The following PCSK5 variants were observed in gnomAD, a reference collection of about 807,000 sequenced individuals.
PCSK5 encodes the protein proprotein convertase subtilisin/kexin type 5.
In PCSK5, 129 loss-of-function variants were observed where a neutral mutation model predicts 233.2. The observed-to-expected ratio is 0.55, with a 90% confidence interval of 0.48 to 0.64. The LOEUF (loss-of-function observed/expected upper bound fraction) is 0.64, where lower values mean the gene tolerates loss of function less well. Ranked by LOEUF, PCSK5 falls within the 30% of genes least tolerant of loss-of-function variation. The pLI is 0.00. For missense variants in PCSK5, 2,076 were observed against 2,430.1 expected (o/e 0.85, Z 3.06); for synonymous variants, 825 against 879.2 (o/e 0.94, Z 1.09).
intron 10 of PCSK5, among the ~76,000 whole-genome samples, chr9:76,138,972 T>C (rs978617682): frequency 5.0e-5 from 3 of 59,444 alleles, no homozygotes; most frequent in Non-Finnish European, 9.5e-5. Context: ...ACTACTAGAT[T>C]TTTTTTTTTT....
chr9:76,083,551 C>T (rs1202494839), intron 7 of PCSK5, among the ~76,000 whole-genome samples: 1 of 152,198 alleles, frequency 6.6e-6, no homozygotes, highest in Non-Finnish European at 1.5e-5. Context: ...TCATCCCATC[C>T]TGACTCTATT....
intron 2 of PCSK5, among the ~76,000 whole-genome samples, chr9:75,968,461 T>C (rs1563944668): frequency 6.6e-6 from 1 of 152,250 alleles, no homozygotes; most frequent in Admixed American, 6.5e-5. Flanking sequence ...AGCCTCTTTC[T>C]TCCAGAGGAA....
intron 2 of PCSK5, among the ~76,000 whole-genome samples, chr9:75,933,115 T>C (rs1823884061): frequency 6.6e-6 from 1 of 152,132 alleles, no homozygotes. Flanking sequence ...ATGCTATGCC[T>C]AGGTTCTCCC....
intron 5 of PCSK5, among the ~76,000 whole-genome samples, chr9:76,062,334 G>A (rs1198904405): frequency 6.6e-6 from 1 of 152,208 alleles, no homozygotes; most frequent in Non-Finnish European, 1.5e-5. Flanking sequence ...GGAAACATCT[G>A]AGACAGATAT....
At chr9:76,047,048 T>C (rs1829439990) in intron 5 of PCSK5, among the ~76,000 whole-genome samples, 1 of 151,998 alleles carries the variant, frequency 6.6e-6, no homozygotes, top group Admixed American at 6.5e-5. Context: ...AAACAGGTAA[T>C]ATGTCAACCA....
chr9:76,156,905 T>C (rs1300330586), intron 10 of PCSK5, 140 bp from the exon 11 acceptor site: 2 of 669,370 alleles, frequency 3.0e-6, no homozygotes, highest in Non-Finnish European at 5.4e-6. Flanking sequence ...TATGTATTTG[T>C]TTTGCTGGAT....
intron 20 of PCSK5, among the ~76,000 whole-genome samples, chr9:76,205,993 G>A (rs550578007): frequency 7.2e-5 from 11 of 152,156 alleles, no homozygotes; most frequent in Non-Finnish European, 1.0e-4. Context: ...CCTGGGTTGA[G>A]ATGGCGACAG....
chr9:76,238,814 A>G (rs1267073724), intron 22 of PCSK5, 145 bp from the exon 23 acceptor site: 2 of 616,414 alleles, frequency 3.2e-6, no homozygotes, highest in Non-Finnish European at 5.7e-6. Context: ...TGCACTTTTC[A>G]TTAAATCCAT....
intron 20 of PCSK5, among the ~76,000 whole-genome samples, chr9:76,202,530 C>G (rs1330973157): frequency 6.6e-6 from 1 of 152,242 alleles, no homozygotes; most frequent in African/African-American, 2.4e-5. Flanking sequence ...CACCTCTCCT[C>G]TCTAAACTTA....
intron 2 of PCSK5, among the ~76,000 whole-genome samples, chr9:75,977,286 C>T (rs1037156090): frequency 2.0e-5 from 3 of 151,882 alleles, no homozygotes; most frequent in African/African-American, 7.3e-5. Flanking sequence ...CGTAGGTAAA[C>T]GTGTGCCATC....
chr9:76,292,347 C>A, intron 25 of PCSK5, 72 bp downstream of exon 25: 1 of 983,442 alleles, frequency 1.0e-6, no homozygotes. Flanking sequence ...ATCCTCAATC[C>A]AGCGATTAAA....
rs765053440 is a variant in PCSK5 at position 75,932,494 on chromosome 9, C to G, written c.297+11C>G. ...TCAATGGAACCAAAGGTAAGAAGAA[C>G]CAGTTGCGTGGGGACCAAGAGGCAA... On this transcript the variant is annotated intron_variant, in intron 2 of 37. Transcript: ENST00000674117. 6.0e-6 allele frequency: 9 copies of G among 1,505,804 alleles called. No homozygotes were observed. The Admixed American group carries it at 1.5e-4, about 25-fold the overall frequency. The allele number at this position is 1,505,804 out of a possible 1,614,324, so 93.3% of individuals were successfully genotyped here.
At chr9:75,964,028 A>C (rs546451408) in intron 2 of PCSK5, among the ~76,000 whole-genome samples, 1 of 152,310 alleles carries the variant, frequency 6.6e-6, no homozygotes, top group South Asian at 2.1e-4. Flanking sequence ...CAGTTTCTCT[A>C]TCTGGAAAAT....
In PCSK5 at chr9:76,262,056, G is replaced by A. The variant is rs148207205; in HGVS notation, c.3142+21372G>A. 9.8e-5 allele frequency among the ~76,000 whole-genome samples: 15 copies of A among 152,288 alleles called. No homozygotes were observed. The East Asian group carries it at 2.9e-3, about 29-fold the overall frequency. ...TCCAACACTATGTTGAATAGGAGTG[G>A]TGAGAGAGGGCATCCCTGTCTTGTG... On this transcript the variant is annotated intron_variant, in intron 24 of 37. Transcript: ENST00000674117.
intron 27 of PCSK5, among the ~76,000 whole-genome samples, chr9:76,300,990 G>A (rs148084676): frequency 8.5e-5 from 13 of 152,174 alleles, no homozygotes; most frequent in African/African-American, 3.1e-4. Context: ...GCAATATTTG[G>A]GGCCATGCGC....
chr9:76,128,626 T>A (rs368351351), intron 9 of PCSK5, among the ~76,000 whole-genome samples: 1 of 152,234 alleles, frequency 6.6e-6, no homozygotes, highest in African/African-American at 2.4e-5. Context: ...AAAATTTTTC[T>A]TTATAAATTA....
chr9:76,214,545 C>T (rs1051032418), intron 20 of PCSK5, among the ~76,000 whole-genome samples: 12 of 152,178 alleles, frequency 7.9e-5, no homozygotes, highest in Non-Finnish European at 1.5e-4. Flanking sequence ...TGTCTCATTG[C>T]CTCAACTTTC....
At chr9:75,996,434 G>A (rs2131416401) in intron 3 of PCSK5, among the ~76,000 whole-genome samples, 1 of 152,260 alleles carries the variant, frequency 6.6e-6, no homozygotes, top group Non-Finnish European at 1.5e-5. Context: ...GTTGATGCTG[G>A]CCTACCAGGA....
chr9:76,066,788 C>T (rs1830303463), intron 5 of PCSK5, among the ~76,000 whole-genome samples: 1 of 152,130 alleles, frequency 6.6e-6, no homozygotes, highest in Non-Finnish European at 1.5e-5. Context: ...TATAGTTGCA[C>T]AGAGAGTAGT....
Sources: allele counts gnomAD v4.1 joint callset (sites outside exome capture counted in the v4.1 genomes callset), GRCh38; gene constraint gnomAD v4.1.1; transcripts MANE v1.5; gene names NCBI Gene and HGNC (gene_info 2026-07-23, HGNC 2026-07-21).